Variants in PTPDC1 observed in about 807,000 individuals in gnomAD.
PTPDC1 encodes protein tyrosine phosphatase domain-containing protein 1.
In PTPDC1, 53 loss-of-function variants were observed where a neutral mutation model predicts 75.3. The ratio of observed to expected loss-of-function variants is 0.70; its 90% confidence interval spans 0.56 to 0.88. The LOEUF (loss-of-function observed/expected upper bound fraction) is 0.88, where lower values mean the gene tolerates loss of function less well. PTPDC1 is among the 40% of genes least tolerant of loss of function. The pLI, the probability that PTPDC1 is intolerant of heterozygous loss-of-function variation, is 0.00. For missense variants in PTPDC1, 925 were observed against 998.6 expected, an observed-to-expected ratio of 0.93 and a Z score of 0.99; for synonymous variants, 349 against 366.2, an observed-to-expected ratio of 0.95 and a Z score of 0.54.
chr9:94,101,863 G>T (rs1827855106), intron 7 of PTPDC1, 112 bp downstream of exon 7: 2 of 592,928 alleles, frequency 3.4e-6, no homozygotes, highest in Non-Finnish European at 5.7e-6. Flanking sequence ...CCCAAATCTA[G>T]ATCTAATTTA....
In PTPDC1 at chr9:94,087,885, G is replaced by A; in HGVS notation, c.471G>A (p.Lys157=). 2.5e-6 allele frequency: 4 copies of A among 1,613,794 alleles called. No individual in the cohort carries two copies. Among genetic ancestry groups the A allele is most frequent in the Non-Finnish European group, 3.4e-6 (4 of 1,179,728 alleles). Residue 157 remains lysine (K), a synonymous_variant, in exon 3 of 9, where the codon AAG becomes AAA. Coordinates refer to ENST00000620992, the MANE Select transcript of PTPDC1 (RefSeq NM_001253829.2). ...GCCCATCCTCTGAGCTCCTGGAGAA[G>A]TACCACATCATTGATCAGTTCCTCA... ...MARPSSELLE[K]YHIIDQFLSH...
At chr9:94,039,386 A>T (rs527701271) in intron 1 of PTPDC1, among the ~76,000 whole-genome samples, 1 of 152,330 alleles carries the variant, frequency 6.6e-6, no homozygotes, top group South Asian at 2.1e-4. Context: ...AAAATGTAGC[A>T]TGAAAGTGTA....
chr9:94,039,913 G>A (rs1414046764), intron 1 of PTPDC1, among the ~76,000 whole-genome samples: 1 of 151,972 alleles, frequency 6.6e-6, no homozygotes, highest in Non-Finnish European at 1.5e-5. Flanking sequence ...TTTGACCCTT[G>A]TTAAAAATCA....
intron 8 of PTPDC1, among the ~76,000 whole-genome samples, chr9:94,107,577 G>A (rs1377647146): frequency 6.6e-6 from 1 of 152,208 alleles, no homozygotes; most frequent in Non-Finnish European, 1.5e-5. Context: ...CTTCATGACT[G>A]GGTGTATATA....
intron 1 of PTPDC1, among the ~76,000 whole-genome samples, chr9:94,043,963 C>T (rs923477787): frequency 1.3e-5 from 2 of 152,076 alleles, no homozygotes; most frequent in Non-Finnish European, 1.5e-5. Flanking sequence ...AAAAATTAGT[C>T]GACTATATTT....
At chr9:94,091,174 A>G (rs1377199563) in intron 4 of PTPDC1, among the ~76,000 whole-genome samples, 1 of 151,204 alleles carries the variant, frequency 6.6e-6, no homozygotes, top group Admixed American at 6.6e-5. Context: ...TTCAAAGGGA[A>G]TGCTTCCAGT....
intron 2 of PTPDC1, among the ~76,000 whole-genome samples, chr9:94,078,453 G>T (rs1428732411): frequency 6.6e-6 from 1 of 152,120 alleles, no homozygotes; most frequent in Admixed American, 6.5e-5. Flanking sequence ...TTTTAATGTG[G>T]ATCTATTTGT....
intron 7 of PTPDC1, among the ~76,000 whole-genome samples, chr9:94,102,364 T>A (rs745869113): frequency 7.9e-5 from 12 of 151,422 alleles, no homozygotes; most frequent in Non-Finnish European, 1.6e-4. Context: ...AAAAGATATA[T>A]GTTTAAAATA....
chr9:94,038,390 T>C (rs1361105903), intron 1 of PTPDC1: 2 of 440,500 alleles, frequency 4.5e-6, no homozygotes, highest in Non-Finnish European at 8.3e-6. Context: ...CATGACTTTT[T>C]TATGTGTACC....
At chr9:94,046,036 G>T (rs1383998021) in intron 1 of PTPDC1, among the ~76,000 whole-genome samples, 1 of 152,154 alleles carries the variant, frequency 6.6e-6, no homozygotes, top group Non-Finnish European at 1.5e-5. Flanking sequence ...TTGTAAGGAA[G>T]GGATCCAGTT....
chr9:94,066,318 C>T (rs191362165), intron 2 of PTPDC1, among the ~76,000 whole-genome samples: 25 of 152,252 alleles, frequency 1.6e-4, no homozygotes, highest in Non-Finnish European at 3.4e-4. Context: ...AGACAAATAA[C>T]ATCTGCTTTA....
intron 2 of PTPDC1, among the ~76,000 whole-genome samples, chr9:94,085,989 A>G (rs1380671246): frequency 6.6e-6 from 1 of 152,264 alleles, no homozygotes; most frequent in Admixed American, 6.5e-5. Context: ...TTTATTAAAC[A>G]GTAAACTAGT....
Position 94,098,592 on chromosome 9 carries a change from CTTAAT to C in PTPDC1, c.2013+20_2013+24del. 6.3e-7 allele frequency: 1 copy of C among 1,587,904 alleles called. No homozygotes were observed. Among genetic ancestry groups the C allele is most frequent in the Non-Finnish European group, 8.6e-7 (1 of 1,159,732 alleles). ...AGAAATGTGGCAGGTATTATTAGTA[CTTAAT>C]TTAATTATAGATATGTGGGAAATAT... On this transcript the variant is annotated intron_variant, in intron 6 of 8. Transcript: ENST00000620992.
intron 5 of PTPDC1, 29 bp downstream of exon 5, chr9:94,095,483 G>T (rs780928156): frequency 9.0e-6 from 14 of 1,548,862 alleles, no homozygotes; most frequent in Non-Finnish European, 1.1e-5. Context: ...TTTATTGCCT[G>T]TAGGCATATT....
At chr9:94,075,609 C>T (rs900060693) in intron 2 of PTPDC1, among the ~76,000 whole-genome samples, 1 of 152,312 alleles carries the variant, frequency 6.6e-6, no homozygotes, top group East Asian at 1.9e-4. Context: ...TCCCAGGTAG[C>T]TCACAGCCAT....
chr9:94,056,938 G>GAAATAGAAATA (rs1825958504), intron 1 of PTPDC1, among the ~76,000 whole-genome samples: 1 of 152,138 alleles, frequency 6.6e-6, no homozygotes, highest in Non-Finnish European at 1.5e-5. Context: ...ATTGACAACA[G>GAAATAGAAATA]GAAATAGAAA....
intron 4 of PTPDC1, among the ~76,000 whole-genome samples, chr9:94,094,705 A>T (rs566868040): frequency 2.0e-5 from 3 of 152,144 alleles, no homozygotes; most frequent in Non-Finnish European, 4.4e-5. Context: ...TTGATCTCAG[A>T]CTGCTGTGCT....
At chr9:94,032,493 G>A (rs1461420467) in intron 1 of PTPDC1, among the ~76,000 whole-genome samples, 1 of 152,170 alleles carries the variant, frequency 6.6e-6, no homozygotes, top group Non-Finnish European at 1.5e-5. Context: ...GACCATTCAA[G>A]CTTTGGAAGG....
chr9:94,057,165 A>G (rs940455165), intron 1 of PTPDC1, among the ~76,000 whole-genome samples: 1 of 151,404 alleles, frequency 6.6e-6, no homozygotes, highest in South Asian at 2.1e-4. Flanking sequence ...TGCAGCCTCA[A>G]CCTCCTAGGA....
Sources: allele counts gnomAD v4.1 joint callset (sites outside exome capture counted in the v4.1 genomes callset), GRCh38; gene constraint gnomAD v4.1.1; transcripts MANE v1.5; gene names NCBI Gene and HGNC (gene_info 2026-07-23, HGNC 2026-07-21).